The following DHRS4L2 variants were observed in gnomAD, a reference collection of about 807,000 sequenced individuals.
DHRS4L2 encodes the protein dehydrogenase/reductase SDR family member 4-like 2.
In DHRS4L2, 22 loss-of-function variants were observed where a neutral mutation model predicts 23.9. That is an observed-to-expected ratio of 0.92 (90% confidence interval 0.66 to 1.31). DHRS4L2 has a LOEUF of 1.31. Among genes scored for constraint, DHRS4L2 ranks in the 40% most tolerant of loss-of-function variants. DHRS4L2 has a pLI of 0.00. For missense variants in DHRS4L2, 385 were observed against 303.3 expected (o/e 1.27, Z -2.00); for synonymous variants, 141 against 123.7 (o/e 1.14, Z -0.93).
At chr14:23,973,321 G>C (rs2033900881) in intron 1 of DHRS4L2, among the ~76,000 whole-genome samples, 1 of 151,958 alleles carries the variant, frequency 6.6e-6, no homozygotes, top group Non-Finnish European at 1.5e-5. Context: ...AACTCGTGCT[G>C]GCCTGCAAGT....
At position 23,982,489 on chromosome 14, in the gene DHRS4L2, A is replaced by G. The variant is rs151166383; in HGVS notation, c.-175-7693A>G. Among the ~76,000 whole-genome samples, 334 of 151,518 alleles carry G rather than the reference A, an allele frequency of 2.2e-3. 12 individuals are homozygous for G. The East Asian group carries it at 0.036, about 17-fold the overall frequency. ...TCTGATCTCTCTTTCTTTTCCCTAC[A>G]TATAGCCAAGACAATCCAAAGCAAA... On this transcript the variant is annotated intron_variant, in intron 1 of 5. Transcript: ENST00000534993.
rs763036131 is a variant in DHRS4L2, at chr14:24,001,479, C to T, written c.627C>T (p.Cys209=). ...ELAPRNIRVN[C]LHLDLSRLAS... is the part of the protein sequence containing the mutation. ...CCCCAAGGAACATTAGGGTGAACTG[C>T]CTGCACCTGGACTTATCAAGACTAG... The change falls in exon 6 of 8, where the codon TGC becomes TGT. Residue 209 remains cysteine, a synonymous_variant. Coordinates refer to ENST00000335125, the MANE Select transcript of DHRS4L2 (RefSeq NM_198083.4). 2.5e-6 allele frequency: 4 copies of T among 1,602,840 alleles called. No homozygotes were observed. Among genetic ancestry groups the T allele is most frequent in the South Asian group, 2.2e-5 (2 of 90,222 alleles).
At chr14:23,974,316 C>T (rs895426732) in intron 1 of DHRS4L2, among the ~76,000 whole-genome samples, 2 of 151,426 alleles carry the variant, frequency 1.3e-5, no homozygotes, top group African/African-American at 4.9e-5. Flanking sequence ...AAAATCAACA[C>T]CCTAACCTCA....
rs183652748 is a variant in DHRS4L2, at chr14:23,970,112, G to A, written c.-396G>A. On this transcript the variant is annotated 5_prime_UTR_variant, in exon 1 of 6. Transcript: ENST00000534993. The stretch of plus-strand genomic sequence containing the variant: ...AGGGGTCAGGGTGGCCAAGCCCACC[G>A]TGGAGCTCATCTGAGAGTTGTAAGG... 440 of 456,280 alleles carry A rather than the reference G, an allele frequency of 9.6e-4. 5 individuals carry two copies. In the East Asian group the frequency reaches 0.028, roughly 29 times the overall value. The allele number at this position is 456,280 out of a possible 1,614,324, so 28.3% of individuals were successfully genotyped here.
chr14:23,971,681 C>G (rs2033860462), intron 1 of DHRS4L2, among the ~76,000 whole-genome samples: 1 of 152,016 alleles, frequency 6.6e-6, no homozygotes, highest in African/African-American at 2.4e-5. Context: ...ATTCAACATT[C>G]TGAAAGAAAA....
chr14:24,001,569 C>A (rs376324677), intron 6 of DHRS4L2, 52 bp downstream of exon 6: 3 of 1,585,672 alleles, frequency 1.9e-6, no homozygotes, highest in Non-Finnish European at 2.6e-6. Context: ...AGGCATCCAT[C>A]TTCTTGGACA....
In DHRS4L2 at chr14:23,995,225, T is replaced by C. The variant is rs927045690; in HGVS notation, c.408+92T>C. ...TTTAGAATGCATTTCTCAAGGGCAG[T>C]GTAAATGTGAGGACTCTTTGCCACG... is the stretch of plus-strand genomic sequence containing the variant. On this transcript the variant is annotated intron_variant, in intron 3 of 7. Coordinates refer to ENST00000335125, the MANE Select transcript of DHRS4L2 (RefSeq NM_198083.4). The C allele has an allele frequency of 2.1e-6, 3 of 1,460,514 alleles. No individual in the cohort carries two copies. The Admixed American group carries it at 5.1e-5, about 25-fold the overall frequency. 90.5% of individuals were successfully genotyped at this position (1,460,514 alleles called of 1,614,324 possible).
At chr14:23,974,688 G>A (rs977691765) in intron 1 of DHRS4L2, among the ~76,000 whole-genome samples, 1 of 151,816 alleles carries the variant, frequency 6.6e-6, no homozygotes, top group Non-Finnish European at 1.5e-5. Flanking sequence ...ACCTTCTGCA[G>A]ACTAAATCAG....
At chr14:24,004,068 A>C (rs530580868) in intron 6 of DHRS4L2, among the ~76,000 whole-genome samples, 1 of 138,438 alleles carries the variant, frequency 7.2e-6, no homozygotes, top group Non-Finnish European at 1.5e-5. Flanking sequence ...CAGGAGGTCG[A>C]GACCATCTTG....
At chr14:23,972,834 G>T (rs1594449163) in intron 1 of DHRS4L2, among the ~76,000 whole-genome samples, 1 of 151,438 alleles carries the variant, frequency 6.6e-6, no homozygotes, top group Non-Finnish European at 1.5e-5. Flanking sequence ...AGCAACAAAC[G>T]TGAGCAATAG....
chr14:23,991,016 C>G (rs1372615373), intron 2 of DHRS4L2: 1 of 477,486 alleles, frequency 2.1e-6, no homozygotes, highest in Admixed American at 6.4e-5. Context: ...TGGACAACAG[C>G]CTTGCAGCTG....
At chr14:23,972,228 G>T (rs2033872697) in intron 1 of DHRS4L2, among the ~76,000 whole-genome samples, 1 of 151,910 alleles carries the variant, frequency 6.6e-6, no homozygotes, top group Non-Finnish European at 1.5e-5. Flanking sequence ...TCTGGAGTTT[G>T]TTCCTTCTGA....
chr14:24,003,971 T>C lies in DHRS4L2; in HGVS notation c.666-366T>C, dbSNP rs1195927407. ...TCCTCTTTTCCTAATTGATTCCTCT[T>C]CTTAAACATAAAGAGATTTCTGGGT... On this transcript the variant is annotated intron_variant, in intron 6 of 7. Coordinates refer to ENST00000335125, the MANE Select transcript of DHRS4L2 (RefSeq NM_198083.4). Among the ~76,000 whole-genome samples, 4 of 89,090 alleles carry C rather than the reference T, an allele frequency of 4.5e-5. 1 individual carries two copies. Among genetic ancestry groups the C allele is most frequent in the Non-Finnish European group, 7.4e-5 (4 of 54,298 alleles). 58.4% of individuals were successfully genotyped at this position (89,090 alleles called of 152,430 possible). A position where few individuals can be genotyped will look rare whatever the true frequency, so the allele number is the denominator to read the frequency against.
chr14:23,987,249 G>A (rs1378756009), upstream of DHRS4L2: 1 of 339,116 alleles, frequency 2.9e-6, no homozygotes, highest in East Asian at 1.4e-4. Flanking sequence ...CCCTGCCTCA[G>A]CCTCCCGAGT....
chr14:23,970,357 G>T (rs746863415), intron 1 of DHRS4L2: 6 of 412,238 alleles, frequency 1.5e-5, no homozygotes, highest in South Asian at 8.6e-5. Flanking sequence ...GCGGTGGGGG[G>T]CGGGGGGCCG....
At chr14:23,992,700 T>C (rs990291455) in intron 2 of DHRS4L2, among the ~76,000 whole-genome samples, 5 of 151,358 alleles carry the variant, frequency 3.3e-5, no homozygotes, top group Non-Finnish European at 7.4e-5. Context: ...TTTATTTTTT[T>C]CCAGAGACAG....
Position 23,982,319 on chromosome 14 carries a change from G to T in DHRS4L2, c.-175-7863G>T, listed in dbSNP as rs189359352. Reference sequence around the variant, plus strand: ...CACAGCCCTAGATCCCTTAAACCTTGGTTCCATAAAACACATGTTTCTGTG... The same window carrying T: ...CACAGCCCTAGATCCCTTAAACCTTTGTTCCATAAAACACATGTTTCTGTG... On this transcript the variant is annotated intron_variant, in intron 1 of 5. Transcript: ENST00000534993. 7.0e-3 allele frequency among the ~76,000 whole-genome samples: 1,068 copies of T among 151,708 alleles called. 26 individuals carry two copies. The highest frequency in any genetic ancestry group is 0.025 in the South Asian group (120 of 4,786).
chr14:23,976,806 G>C (rs4048588), intron 1 of DHRS4L2, among the ~76,000 whole-genome samples: 1 of 151,848 alleles, frequency 6.6e-6, no homozygotes, highest in Non-Finnish European at 1.5e-5. Context: ...CCTTTGCAGG[G>C]ACATGGATGA....
At chr14:23,982,031 G>T (rs1024317677) in intron 1 of DHRS4L2, among the ~76,000 whole-genome samples, 14 of 150,576 alleles carry the variant, frequency 9.3e-5, no homozygotes, top group Non-Finnish European at 1.3e-4. Flanking sequence ...ACTGCAAGAG[G>T]CCTTCCTCTT....
Sources: gnomAD v4.1 joint callset for allele counts (sites outside exome capture counted in the v4.1 genomes callset) on GRCh38, gnomAD v4.1.1 for gene constraint, MANE v1.5 for transcripts, NCBI Gene and HGNC (gene_info 2026-07-23, HGNC 2026-07-21) for gene names.